The following CFAP161 variants were observed in gnomAD, a reference collection of about 807,000 sequenced individuals.
CFAP161 encodes cilia and flagella associated protein 161, also known as cilia- and flagella-associated protein 161.
Under a neutral mutation model 29.0 loss-of-function variants are expected in CFAP161, and 25 were observed. The ratio of observed to expected loss-of-function variants is 0.86; its 90% confidence interval spans 0.63 to 1.20. The LOEUF (loss-of-function observed/expected upper bound fraction) is 1.20. CFAP161 is among the 50% of genes most tolerant of loss of function. The pLI is 0.00. For synonymous variants in CFAP161, 116 were observed against 137.4 expected, an observed-to-expected ratio of 0.84 and a Z score of 1.09; for missense variants, 367 against 371.9, an observed-to-expected ratio of 0.99 and a Z score of 0.11.
intron 1 of CFAP161, among the ~76,000 whole-genome samples, chr15:81,106,428 C>A (rs961502100): frequency 6.6e-6 from 1 of 152,160 alleles, no homozygotes; most frequent in African/African-American, 2.4e-5. Flanking sequence ...CCTCGGCCTC[C>A]CAAAGTGCTG....
intron 1 of CFAP161, among the ~76,000 whole-genome samples, chr15:81,119,572 T>C (rs978338295): frequency 2.6e-5 from 4 of 152,186 alleles, no homozygotes; most frequent in African/African-American, 9.7e-5. Flanking sequence ...CACTTACCAT[T>C]TGGCAATGGC....
intron 1 of CFAP161, among the ~76,000 whole-genome samples, chr15:81,116,937 G>A (rs1894506112): frequency 1.3e-5 from 2 of 152,112 alleles, no homozygotes; most frequent in South Asian, 2.1e-4. Context: ...GGCTTATAGT[G>A]TTGTTTTTGG....
At chr15:81,103,799 T>G (rs1458598978) in intron 1 of CFAP161, among the ~76,000 whole-genome samples, 1 of 152,124 alleles carries the variant, frequency 6.6e-6, no homozygotes, top group Non-Finnish European at 1.5e-5. Flanking sequence ...GTATCTGGCT[T>G]GAGGGGTAGT....
chr15:81,130,544 C>CA (rs1163150880), upstream of CFAP161, among the ~76,000 whole-genome samples: 3 of 152,078 alleles, frequency 2.0e-5, no homozygotes, highest in Admixed American at 6.6e-5. Flanking sequence ...ACTAAAAATA[C>CA]AAAAAATTAG....
At chr15:81,117,754 T>C in intron 1 of CFAP161, 2 of 299,812 alleles carry the variant, frequency 6.7e-6, no homozygotes, top group East Asian at 1.1e-4. Context: ...TCCAAATTCT[T>C]CTTCCTCCTC....
At position 81,147,946 on chromosome 15, in the gene CFAP161, G is replaced by C. The variant is rs187306821; in HGVS notation, c.710+15G>C. 292 of 1,592,546 alleles carry C rather than the reference G, an allele frequency of 1.8e-4. No homozygotes were observed. The highest frequency in any genetic ancestry group is 2.4e-4 in the Non-Finnish European group (278 of 1,165,248). On this transcript the variant is annotated intron_variant, in intron 6 of 6. Transcript: ENST00000286732. ...CTTTTCTTAAGGTATTGTATTTCAG[G>C]GTACAACAAAATGCTGTGATTGGGG...
intron 1 of CFAP161, among the ~76,000 whole-genome samples, chr15:81,113,912 C>T (rs187820272): frequency 8.2e-4 from 125 of 152,310 alleles, no homozygotes; most frequent in Admixed American, 1.7e-3. Flanking sequence ...CCCTAAGTTA[C>T]CTGATTCGTA....
chr15:81,143,802 T>C lies in CFAP161; in HGVS notation c.618T>C (p.Tyr206=). The part of the protein sequence containing the change: ...AFPDPQLRLE[Y]EGFPVPANAK... ...CTGACCCCCAGTTACGCCTGGAATA[T>C]GAAGGCTTCCCCGTCCCGGTGAGTG... The change falls in exon 5 of 7, where the codon TAT becomes TAC. Residue 206 remains tyrosine (Y), a synonymous_variant. Coordinates refer to ENST00000286732, the MANE Select transcript of CFAP161 (RefSeq NM_173528.4). 1 of 1,614,104 alleles carries C rather than the reference T, an allele frequency of 6.2e-7. No homozygotes were observed. Among genetic ancestry groups the C allele is most frequent in the East Asian group, 2.2e-5 (1 of 44,882 alleles).
intron 5 of CFAP161, 35 bp downstream of exon 5, chr15:81,143,855 G>A (rs928139899): frequency 6.3e-7 from 1 of 1,590,710 alleles, no homozygotes; most frequent in Non-Finnish European, 8.6e-7. Context: ...GGGTGTCTAG[G>A]CTATGAAATG....
chr15:81,124,577 C>T (rs62037409), intron 1 of CFAP161, among the ~76,000 whole-genome samples: 14,785 of 152,092 alleles, frequency 0.097, 841 homozygotes, highest in East Asian at 0.18. Flanking sequence ...GAATAGTTTC[C>T]GTAGAAATGG....
At chr15:81,138,682 G>C (rs956726117) in intron 4 of CFAP161, among the ~76,000 whole-genome samples, 2 of 152,144 alleles carry the variant, frequency 1.3e-5, no homozygotes, top group East Asian at 3.9e-4. Context: ...ATTTGGGTAA[G>C]TTATTTAATG....
chr15:81,114,778 C>T (rs912104812), intron 1 of CFAP161, among the ~76,000 whole-genome samples: 1 of 152,134 alleles, frequency 6.6e-6, no homozygotes, highest in Non-Finnish European at 1.5e-5. Flanking sequence ...ATTCTCCTGC[C>T]TCAGCCTCCC....
chr15:81,133,769 T>C (rs1894756365), upstream of CFAP161, among the ~76,000 whole-genome samples: 1 of 152,120 alleles, frequency 6.6e-6, no homozygotes, highest in East Asian at 1.9e-4. Flanking sequence ...AACAGAAATA[T>C]ACTAACATGG....
chr15:81,138,169 A>G, intron 4 of CFAP161, 34 bp downstream of exon 4: 1 of 1,541,484 alleles, frequency 6.5e-7, no homozygotes, highest in Non-Finnish European at 9.0e-7. Context: ...ACTTTGGATC[A>G]GTCATTTCTG....
At position 81,136,637 on chromosome 15, in the gene CFAP161, T is replaced by C. The variant is rs1251055376; in HGVS notation, c.281T>C (p.Met94Thr). The C allele has an allele frequency of 6.2e-7, 1 of 1,614,198 alleles. No homozygotes were observed. The highest frequency in any genetic ancestry group is 1.1e-5 in the South Asian group (1 of 91,080). The change falls in exon 3 of 7, where the codon ATG (methionine) becomes ACG (threonine). Residue 94 changes from methionine (M) to threonine (T), a missense_variant. By Grantham distance (81) the Met-to-Thr change is moderately conservative. Transcript: ENST00000286732. ...VFLRGDLSLCMTPDEIQSHLK... is the reference protein window; with the variant it reads ...VFLRGDLSLCTTPDEIQSHLK... ...CTGCGTGGGGACCTGAGCCTGTGTA[T>C]GACTCCAGATGAAATTCAGTCCCAT...
intron 5 of CFAP161, among the ~76,000 whole-genome samples, chr15:81,147,078 C>T (rs765594693): frequency 3.3e-5 from 5 of 151,480 alleles, no homozygotes; most frequent in Non-Finnish European, 7.4e-5. Context: ...TATGAATGCT[C>T]CCTCTGCCCT....
At chr15:81,117,910 A>C (rs1258287220) in intron 1 of CFAP161, 1 of 420,134 alleles carries the variant, frequency 2.4e-6, no homozygotes, top group Non-Finnish European at 4.5e-6. Flanking sequence ...CACACCATCC[A>C]CCTGGGCATC....
chr15:81,107,745 A>C (rs904008573), intron 1 of CFAP161, among the ~76,000 whole-genome samples: 2 of 152,148 alleles, frequency 1.3e-5, no homozygotes, highest in African/African-American at 2.4e-5. Flanking sequence ...AAATAAAATA[A>C]AATAAATAAA....
intron 1 of CFAP161, among the ~76,000 whole-genome samples, chr15:81,120,893 ACTG>A (rs1894563845): frequency 6.6e-6 from 1 of 152,216 alleles, no homozygotes; most frequent in Non-Finnish European, 1.5e-5. Context: ...TGAAATAGAA[ACTG>A]TCTGTAGTTT....
Sources: gnomAD v4.1 joint callset for allele counts (sites outside exome capture counted in the v4.1 genomes callset) on GRCh38, gnomAD v4.1.1 for gene constraint, MANE v1.5 for transcripts, NCBI Gene and HGNC (gene_info 2026-07-23, HGNC 2026-07-21) for gene names.